Variants in MGMT observed in about 807,000 individuals in gnomAD.
The protein encoded by MGMT is O-6-methylguanine-DNA methyltransferase, also known as methylated-DNA--protein-cysteine methyltransferase.
MGMT carries 14 observed loss-of-function variants against 15.9 expected under a neutral mutation model. The observed-to-expected ratio is 0.88, with a 90% confidence interval of 0.58 to 1.37. The LOEUF is 1.37. MGMT is among the 40% of genes most tolerant of loss of function. The pLI is 0.00. For missense variants in MGMT, 282 were observed against 268.1 expected, an observed-to-expected ratio of 1.05 and a Z score of -0.36; for synonymous variants, 130 against 118.2, an observed-to-expected ratio of 1.10 and a Z score of -0.65.
chr10:129,599,255 A>G (rs539367966), intron 2 of MGMT, among the ~76,000 whole-genome samples: 1 of 152,350 alleles, frequency 6.6e-6, no homozygotes, highest in Admixed American at 6.5e-5. Context: ...AGAGTAGGCT[A>G]CGGTCTGTTT....
intron 2 of MGMT, among the ~76,000 whole-genome samples, chr10:129,635,301 C>T (rs1345829556): frequency 1.3e-5 from 2 of 152,176 alleles, no homozygotes; most frequent in East Asian, 3.9e-4. Context: ...GTCTCTGTCC[C>T]TCCAGTTCTG....
intron 1 of MGMT, among the ~76,000 whole-genome samples, chr10:129,478,723 A>G (rs895261177): frequency 6.6e-6 from 1 of 152,254 alleles, no homozygotes; most frequent in African/African-American, 2.4e-5. Flanking sequence ...TGCCCCTGGC[A>G]TCTGGCTTTG....
At position 129,766,776 on chromosome 10, in the gene MGMT, C is replaced by G. The variant is rs749403641; in HGVS notation, c.415-12C>G. On this transcript the variant is annotated splice_polypyrimidine_tract_variant and intron_variant, in intron 4 of 4. Transcript: ENST00000651593. ...ATCCCTGACTGACAGTGGCTGCCCC[C>G]CTGTCTTCCAGGTCCCCATCCTCAT... 4 of 1,608,228 alleles carry G rather than the reference C, an allele frequency of 2.5e-6. No homozygotes were observed. In the South Asian group the frequency reaches 3.3e-5, roughly 13 times the overall value.
At chr10:129,644,925 T>C (rs1046669021) in intron 2 of MGMT, among the ~76,000 whole-genome samples, 1 of 152,140 alleles carries the variant, frequency 6.6e-6, no homozygotes, top group African/African-American at 2.4e-5. Context: ...TGGGTCTGTT[T>C]TGTCCACTTT....
In MGMT at chr10:129,475,012, G is replaced by A. The variant is rs904232250; in HGVS notation, c.-13+7716G>A. ...GAGCCTGGCCTTTGTTGGGGGGGGTGTTGGGGAGCTTGGTAAGTGGTTGAA... is the reference window on the plus strand; with the variant it reads ...GAGCCTGGCCTTTGTTGGGGGGGGTATTGGGGAGCTTGGTAAGTGGTTGAA... On this transcript the variant is annotated intron_variant, in intron 1 of 4. Transcript: ENST00000651593. Among the ~76,000 whole-genome samples, 16 of 152,096 alleles carry A rather than the reference G, an allele frequency of 1.1e-4. No homozygotes were observed. The East Asian group carries it at 3.1e-3, about 29-fold the overall frequency.
intron 2 of MGMT, among the ~76,000 whole-genome samples, chr10:129,597,843 G>A (rs1209524587): frequency 6.6e-6 from 1 of 152,186 alleles, no homozygotes; most frequent in East Asian, 1.9e-4. Flanking sequence ...CTTTGGGGTC[G>A]AAACACAAAG....
intron 2 of MGMT, among the ~76,000 whole-genome samples, chr10:129,673,310 A>T (rs1230316917): frequency 6.6e-6 from 1 of 152,176 alleles, no homozygotes; most frequent in Non-Finnish European, 1.5e-5. Flanking sequence ...AAATCATGTT[A>T]TAAGCAACAC....
intron 4 of MGMT, among the ~76,000 whole-genome samples, chr10:129,761,521 G>A (rs1035578317): frequency 2.6e-5 from 4 of 152,172 alleles, no homozygotes; most frequent in East Asian, 1.9e-4. Context: ...GGCGATATTC[G>A]GAGACATTTA....
At chr10:129,681,710 G>A (rs7099912) in intron 2 of MGMT, among the ~76,000 whole-genome samples, 5 of 152,136 alleles carry the variant, frequency 3.3e-5, no homozygotes, top group African/African-American at 1.2e-4. Context: ...TGGAGGGCCA[G>A]CTTTTCATAT....
intron 2 of MGMT, among the ~76,000 whole-genome samples, chr10:129,568,731 T>C (rs1013840215): frequency 6.6e-6 from 1 of 152,022 alleles, no homozygotes; most frequent in African/African-American, 2.4e-5. Flanking sequence ...AGGGCTCTGG[T>C]TTCTGGAGTA....
At chr10:129,645,181 A>G (rs1395573456) in intron 2 of MGMT, among the ~76,000 whole-genome samples, 1 of 142,264 alleles carries the variant, frequency 7.0e-6, no homozygotes, top group Non-Finnish European at 1.5e-5. Context: ...GTGCAGTAGC[A>G]TGATCTTGGC....
intron 3 of MGMT, among the ~76,000 whole-genome samples, chr10:129,717,062 C>G (rs1438629859): frequency 1.3e-5 from 2 of 152,202 alleles, no homozygotes; most frequent in East Asian, 3.8e-4. Context: ...TAGTAGAGGA[C>G]TACCTGAGTG....
intron 2 of MGMT, among the ~76,000 whole-genome samples, chr10:129,667,389 T>C (rs1258686581): frequency 1.3e-5 from 2 of 152,232 alleles, no homozygotes; most frequent in African/African-American, 4.8e-5. Context: ...ATATATTTCT[T>C]TATTGCAGGC....
intron 2 of MGMT, among the ~76,000 whole-genome samples, chr10:129,571,115 C>G (rs1846412445): frequency 6.6e-6 from 1 of 152,170 alleles, no homozygotes; most frequent in African/African-American, 2.4e-5. Flanking sequence ...AAAGTTTCTT[C>G]TTGGTTCCCT....
intron 2 of MGMT, among the ~76,000 whole-genome samples, chr10:129,684,913 C>T (rs573082076): frequency 1.3e-5 from 2 of 152,372 alleles, no homozygotes; most frequent in South Asian, 4.1e-4. Flanking sequence ...TGCCATCCTC[C>T]TAGAACTTGC....
At chr10:129,541,077 ACCACTGGG>A (rs1287443469) in intron 2 of MGMT, among the ~76,000 whole-genome samples, 1 of 152,172 alleles carries the variant, frequency 6.6e-6, no homozygotes, top group Non-Finnish European at 1.5e-5. Flanking sequence ...TTACAGGTTG[ACCACTGGG>A]CCTTCTTCAG....
intron 2 of MGMT, among the ~76,000 whole-genome samples, chr10:129,553,975 G>A (rs963360790): frequency 6.6e-6 from 1 of 152,242 alleles, no homozygotes; most frequent in Non-Finnish European, 1.5e-5. Context: ...GACTCTCCCG[G>A]CTCCCCAGTC....
intron 2 of MGMT, among the ~76,000 whole-genome samples, chr10:129,681,316 G>A (rs60541995): frequency 0.16 from 24,952 of 152,112 alleles, 2,173 homozygotes; most frequent in East Asian, 0.28. Flanking sequence ...TGTGAATCAC[G>A]TTTTCCTTAG....
intron 3 of MGMT, among the ~76,000 whole-genome samples, chr10:129,710,950 A>G (rs1372315035): frequency 1.3e-5 from 2 of 152,100 alleles, no homozygotes; most frequent in Non-Finnish European, 2.9e-5. Flanking sequence ...TGAGATTGAG[A>G]CCAGGTTTAT....
Sources: gnomAD v4.1 joint callset for allele counts (sites outside exome capture counted in the v4.1 genomes callset) on GRCh38, gnomAD v4.1.1 for gene constraint, MANE v1.5 for transcripts, NCBI Gene and HGNC (gene_info 2026-07-23, HGNC 2026-07-21) for gene names.